The following DCAF16 variants were observed in gnomAD, a reference collection of about 807,000 sequenced individuals.
DCAF16 encodes DDB1 and CUL4 associated factor 16, also known as DDB1- and CUL4-associated factor 16.
DCAF16 carries 10 observed loss-of-function variants against 17.3 expected under a neutral mutation model. That is an observed-to-expected ratio of 0.58 (90% confidence interval 0.36 to 0.98). The LOEUF (loss-of-function observed/expected upper bound fraction) is 0.98. Ranked by LOEUF, DCAF16 falls within the 50% of genes least tolerant of loss-of-function variation. DCAF16 has a pLI of 0.01. For synonymous variants in DCAF16, 111 were observed against 92.8 expected, an observed-to-expected ratio of 1.20 and a Z score of -1.12; for missense variants, 249 against 247.6, an observed-to-expected ratio of 1.01 and a Z score of -0.04.
intron 1 of DCAF16, among the ~76,000 whole-genome samples, chr4:17,808,252 A>G (rs1317723186): frequency 6.6e-6 from 1 of 152,228 alleles, no homozygotes; most frequent in Non-Finnish European, 1.5e-5. Flanking sequence ...AAGAGTATTC[A>G]TTCTTTGTCG....
At position 17,807,540 on chromosome 4, in the gene DCAF16, C is replaced by T. The variant is rs566149142; in HGVS notation, c.-749-2315G>A. On this transcript the variant is annotated intron_variant, in intron 1 of 2. Coordinates refer to ENST00000382247, the MANE Select transcript of DCAF16 (RefSeq NM_017741.4). ...CAGCACTACTTAGGCAAACTATTTGCACATCTCATGATCTAGCAATCCTAC... is the reference window on the plus strand; with the variant it reads ...CAGCACTACTTAGGCAAACTATTTGTACATCTCATGATCTAGCAATCCTAC... 3.3e-5 allele frequency among the ~76,000 whole-genome samples: 5 copies of T among 152,298 alleles called. No individual in the cohort carries two copies. In the South Asian group the frequency reaches 8.3e-4, roughly 25 times the overall value.
Position 17,803,842 on chromosome 4 carries a change from A to G in DCAF16, c.300T>C (p.Cys100=), listed in dbSNP as rs1366309073. The part of the protein sequence containing the change: ...LREIGLRLSH[C]SHCVPKLEPI... ...GTTCCAGTTTGGGGACACAATGGGA[A>G]CAATGGGAGAGTCTTAGACCTATCT... Residue 100 remains cysteine (C), a synonymous_variant, in exon 3 of 3, where the codon TGT becomes TGC. Transcript: ENST00000382247. 1.2e-6 allele frequency: 2 copies of G among 1,614,222 alleles called. No individual in the cohort carries two copies. The highest frequency in any genetic ancestry group is 1.3e-5 in the African/African-American group (1 of 75,070).
At chr4:17,809,228 G>GTT in intron 1 of DCAF16, among the ~76,000 whole-genome samples, 1 of 152,262 alleles carries the variant, frequency 6.6e-6, no homozygotes, top group East Asian at 1.9e-4. Flanking sequence ...CATCTTAAAA[G>GTT]AAGATCAAAG....
rs1008620639 is a variant in DCAF16, at chr4:17,804,007, G to A, written c.135C>T (p.Asn45=). The A allele has an allele frequency of 1.9e-6, 3 of 1,614,182 alleles. No individual in the cohort carries two copies. The highest frequency in any genetic ancestry group is 1.7e-5 in the Admixed American group (1 of 60,018). The change falls in exon 3 of 3, where the codon AAC becomes AAT. Residue 45 remains asparagine (N), a synonymous_variant. Coordinates refer to ENST00000382247, the MANE Select transcript of DCAF16 (RefSeq NM_017741.4). ...SSEEEDSMVP[N]LSPLESLAWQ... Reference sequence around the variant, plus strand: ...AGGCAAGACTCTCAAGAGGCGATAAGTTGGGCACCATAGAGTCCTCTTCTT... The same window carrying A: ...AGGCAAGACTCTCAAGAGGCGATAAATTGGGCACCATAGAGTCCTCTTCTT...
chr4:17,797,116 G>A (rs769635812), downstream of DCAF16, among the ~76,000 whole-genome samples: 1 of 152,110 alleles, frequency 6.6e-6, no homozygotes, highest in Non-Finnish European at 1.5e-5. Context: ...GTGTGCACCA[G>A]CACTGCTCCT....
intron 1 of DCAF16, among the ~76,000 whole-genome samples, chr4:17,808,663 G>A (rs1314919579): frequency 6.6e-6 from 1 of 151,944 alleles, no homozygotes. Flanking sequence ...CTGGCGGCCA[G>A]ATGTCTCATT....
In DCAF16 at chr4:17,802,273, G is replaced by C. The variant is rs1258155531; in HGVS notation, c.*1218C>G. 1 of 152,548 alleles carries C rather than the reference G, an allele frequency of 6.6e-6. No homozygotes were observed. Among genetic ancestry groups the C allele is most frequent in the East Asian group, 1.9e-4 (1 of 5,196 alleles). 9.4% of individuals were successfully genotyped at this position (152,548 alleles called of 1,614,324 possible). ...TTAATCATTTTTCCATTCATCTTTT[G>C]AAATGTTATTTACTCTTGACAAAAG... On this transcript the variant is annotated 3_prime_UTR_variant, in exon 3 of 3. Transcript: ENST00000382247.
At chr4:17,800,334 G>A (rs183984525), downstream of DCAF16, among the ~76,000 whole-genome samples, 1 of 152,246 alleles carries the variant, frequency 6.6e-6, no homozygotes, top group African/African-American at 2.4e-5. Flanking sequence ...TGCAAAGGTA[G>A]TAAATTCATT....
downstream of DCAF16, among the ~76,000 whole-genome samples, chr4:17,798,438 A>T (rs1243079756): frequency 6.6e-6 from 1 of 151,428 alleles, no homozygotes; most frequent in Non-Finnish European, 1.5e-5. Flanking sequence ...CTACAAAGAA[A>T]TACAAAAATT....
downstream of DCAF16, among the ~76,000 whole-genome samples, chr4:17,800,141 T>A (rs1399583407): frequency 2.6e-5 from 3 of 116,498 alleles, no homozygotes; most frequent in African/African-American, 3.5e-5. Flanking sequence ...CGAAACTCCA[T>A]CTCAAAAAAA....
At chr4:17,809,632 G>A (rs1278052898) in intron 1 of DCAF16, 1 of 152,144 alleles carries the variant, frequency 6.6e-6, no homozygotes, top group Non-Finnish European at 1.5e-5. Flanking sequence ...CTGAGGTGTA[G>A]GAGAGGGAAA....
the DCAF16 span, among the ~76,000 whole-genome samples, chr4:17,795,396 T>C: frequency 2.0e-5 from 3 of 152,196 alleles, no homozygotes; most frequent in Non-Finnish European, 2.9e-5. Context: ...TGGACCCTTT[T>C]AATTTAGAAG....
At chr4:17,796,577 C>G (rs1242203390), downstream of DCAF16, among the ~76,000 whole-genome samples, 2 of 151,996 alleles carry the variant, frequency 1.3e-5, no homozygotes, top group Non-Finnish European at 2.9e-5. Context: ...CATGGTGGTG[C>G]GCACCTGTAG....
Position 17,803,090 on chromosome 4 carries a change from TCTCAA to T in DCAF16, c.*396_*400del, listed in dbSNP as rs1719945298. The T allele has an allele frequency of 5.6e-6, 1 of 178,238 alleles. No individual in the cohort carries two copies. The highest frequency in any genetic ancestry group is 2.4e-5 in the African/African-American group (1 of 41,770). 11.0% of individuals were successfully genotyped at this position (178,238 alleles called of 1,614,324 possible). A position where few individuals can be genotyped will look rare whatever the true frequency, so the allele number is the denominator to read the frequency against. The stretch of plus-strand genomic sequence containing the variant: ...CCCAGGCTGGAGTACAGTGGCATAA[TCTCAA>T]CTCACCGCAACCTCCGTCTCCTGGG... On this transcript the variant is annotated 3_prime_UTR_variant, in exon 3 of 3. Coordinates refer to ENST00000382247, the MANE Select transcript of DCAF16 (RefSeq NM_017741.4).
At chr4:17,809,185 T>G (rs1484215711) in intron 1 of DCAF16, among the ~76,000 whole-genome samples, 1 of 152,034 alleles carries the variant, frequency 6.6e-6, no homozygotes, top group Non-Finnish European at 1.5e-5. Context: ...TACAATGGAG[T>G]ACTATAGCAA....
chr4:17,810,177 T>C (rs1397287422), intron 1 of DCAF16, among the ~76,000 whole-genome samples: 1 of 152,200 alleles, frequency 6.6e-6, no homozygotes, highest in Non-Finnish European at 1.5e-5. Flanking sequence ...TCATTTAAAA[T>C]TTAAAAACCT....
At chr4:17,800,180 C>G (rs541996943), downstream of DCAF16, among the ~76,000 whole-genome samples, 7 of 150,858 alleles carry the variant, frequency 4.6e-5, no homozygotes, top group East Asian at 1.4e-3. Context: ...CCTATCTGCA[C>G]TGAGAAAGTA....
In DCAF16 at chr4:17,804,207, A is replaced by G; in HGVS notation, c.-66T>C. On this transcript the variant is annotated 5_prime_UTR_variant, in exon 3 of 3. Transcript: ENST00000382247. ...CTAAGCCAGCAGAACACTGACTAAC[A>G]CTGGCAAATAGAAATAAGAGATGAA... The G allele has an allele frequency of 8.4e-6, 11 of 1,306,930 alleles. No individual in the cohort carries two copies. The highest frequency in any genetic ancestry group is 1.2e-5 in the Non-Finnish European group (11 of 939,134). The allele number at this position is 1,306,930 out of a possible 1,614,324, so 81.0% of individuals were successfully genotyped here. A position where few individuals can be genotyped will look rare whatever the true frequency, so the allele number is the denominator to read the frequency against.
At chr4:17,807,984 T>G (rs749817795) in intron 1 of DCAF16, among the ~76,000 whole-genome samples, 1 of 152,086 alleles carries the variant, frequency 6.6e-6, no homozygotes. Flanking sequence ...AATAAAAGAG[T>G]CAGAGAATGG....
Sources: gnomAD v4.1 joint callset for allele counts (sites outside exome capture counted in the v4.1 genomes callset) on GRCh38, gnomAD v4.1.1 for gene constraint, MANE v1.5 for transcripts, NCBI Gene and HGNC (gene_info 2026-07-23, HGNC 2026-07-21) for gene names.